The following NELL1 variants were observed in gnomAD, a reference collection of about 807,000 sequenced individuals.
NELL1 encodes the protein neural EGFL like 1.
In NELL1, 76 loss-of-function variants were observed where a neutral mutation model predicts 107.4. That is an observed-to-expected ratio of 0.71 (90% CI 0.59 to 0.86). The LOEUF (loss-of-function observed/expected upper bound fraction) is 0.86, where lower values mean the gene tolerates loss of function less well. Among genes scored for constraint, NELL1 ranks in the 40% least tolerant of loss-of-function variants. NELL1 has a pLI of 0.00. For missense variants in NELL1, 1,024 were observed against 1,005.5 expected (o/e 1.02, Z -0.25); for synonymous variants, 353 against 341.2 (o/e 1.03, Z -0.38).
chr11:20,692,232 C>A (rs1366238108), intron 2 of NELL1, among the ~76,000 whole-genome samples: 1 of 151,774 alleles, frequency 6.6e-6, no homozygotes, highest in East Asian at 1.9e-4. Context: ...TTTCAAAAAA[C>A]CAGCTCCTGG....
chr11:21,074,667 T>G (rs1854092107), intron 12 of NELL1, among the ~76,000 whole-genome samples: 1 of 84,442 alleles, frequency 1.2e-5, no homozygotes, highest in African/African-American at 5.0e-5. Flanking sequence ...TGGGTGGAAT[T>G]TACACATGTG....
chr11:21,550,047 C>T (rs1360774950), intron 16 of NELL1, among the ~76,000 whole-genome samples: 1 of 151,796 alleles, frequency 6.6e-6, no homozygotes, highest in African/African-American at 2.4e-5. Flanking sequence ...AAGTTAGACT[C>T]AACTCCTCCA....
At chr11:20,807,467 C>T (rs1008859666) in intron 3 of NELL1, among the ~76,000 whole-genome samples, 2 of 152,208 alleles carry the variant, frequency 1.3e-5, no homozygotes, top group African/African-American at 2.4e-5. Flanking sequence ...CCTGTGGTCA[C>T]CACCACTGGG....
intron 12 of NELL1, among the ~76,000 whole-genome samples, chr11:21,096,303 A>G (rs1854642014): frequency 6.6e-6 from 1 of 152,136 alleles, no homozygotes; most frequent in African/African-American, 2.4e-5. Flanking sequence ...AACGTCCCCT[A>G]CATCCTCATT....
At chr11:21,307,804 C>T (rs771721613) in intron 14 of NELL1, among the ~76,000 whole-genome samples, 1 of 151,938 alleles carries the variant, frequency 6.6e-6, no homozygotes, top group Non-Finnish European at 1.5e-5. Context: ...TTTAAGCAAG[C>T]AGATTGAGCC....
chr11:21,363,728 T>G (rs1321182992), intron 14 of NELL1, among the ~76,000 whole-genome samples: 1 of 152,218 alleles, frequency 6.6e-6, no homozygotes, highest in African/African-American at 2.4e-5. Context: ...AAATTTTTAT[T>G]TTCTCATATA....
chr11:21,337,837 T>TTTCTTTTCTTTTCTTTC (rs71034505), intron 14 of NELL1, among the ~76,000 whole-genome samples: 1 of 86,616 alleles, frequency 1.2e-5, no homozygotes, highest in African/African-American at 4.7e-5. Context: ...TCTTTCTTTC[T>TTTCTTTTCTTTTCTTTC]TTTCTTTCTT....
chr11:21,118,893 A>T (rs572364083), intron 13 of NELL1, among the ~76,000 whole-genome samples: 1 of 152,198 alleles, frequency 6.6e-6, no homozygotes, highest in African/African-American at 2.4e-5. Context: ...AGGAAGCCTA[A>T]AGTTAAAGAA....
At chr11:21,285,813 G>C (rs979568868) in intron 14 of NELL1, among the ~76,000 whole-genome samples, 2 of 152,146 alleles carry the variant, frequency 1.3e-5, no homozygotes, top group East Asian at 1.9e-4. Context: ...AAAACAAAAA[G>C]CACTGAGCTA....
intron 11 of NELL1, among the ~76,000 whole-genome samples, chr11:20,948,765 TAAA>T (rs35915453): frequency 8.4e-4 from 90 of 107,296 alleles, no homozygotes; most frequent in African/African-American, 9.2e-4. Context: ...TTCAAAATCT[TAAA>T]AAAAAAAAAA....
At chr11:21,251,921 G>A (rs535847753) in intron 14 of NELL1, among the ~76,000 whole-genome samples, 8 of 152,130 alleles carry the variant, frequency 5.3e-5, no homozygotes, top group South Asian at 2.1e-4. Context: ...TCAGACTACC[G>A]GAAAATCAAG....
chr11:20,824,560 G>C (rs1435903144), intron 3 of NELL1, among the ~76,000 whole-genome samples: 1 of 151,280 alleles, frequency 6.6e-6, no homozygotes, highest in Non-Finnish European at 1.5e-5. Context: ...GAACTTCCTA[G>C]AGAATTGTTG....
At chr11:20,715,749 A>G (rs1221331871) in intron 2 of NELL1, among the ~76,000 whole-genome samples, 1 of 152,222 alleles carries the variant, frequency 6.6e-6, no homozygotes, top group East Asian at 1.9e-4. Context: ...AGGCTGCTGA[A>G]TACCTAGAGT....
intron 12 of NELL1, among the ~76,000 whole-genome samples, chr11:21,026,806 A>G (rs1166238643): frequency 6.6e-6 from 1 of 152,196 alleles, no homozygotes; most frequent in Non-Finnish European, 1.5e-5. Flanking sequence ...GATGAGAAAC[A>G]TGAGCTTGAG....
At chr11:21,063,639 A>G (rs573228604) in intron 12 of NELL1, among the ~76,000 whole-genome samples, 260 of 152,348 alleles carry the variant, frequency 1.7e-3, no homozygotes, top group African/African-American at 5.9e-3. Context: ...GGAGCCTGAA[A>G]CAAAGACCAG....
chr11:21,327,318 A>G (rs533727890), intron 14 of NELL1, among the ~76,000 whole-genome samples: 1 of 151,942 alleles, frequency 6.6e-6, no homozygotes, highest in South Asian at 2.1e-4. Context: ...CACATTGTGC[A>G]CATGTACCCT....
chr11:21,418,341 T>C (rs1254354035), intron 15 of NELL1, among the ~76,000 whole-genome samples: 2 of 152,126 alleles, frequency 1.3e-5, no homozygotes, highest in Non-Finnish European at 2.9e-5. Flanking sequence ...ATTTCAGGCC[T>C]TGATGGCTAT....
intron 13 of NELL1, among the ~76,000 whole-genome samples, chr11:21,136,416 T>C (rs79737796): frequency 3.9e-5 from 6 of 152,340 alleles, no homozygotes; most frequent in African/African-American, 1.2e-4. Context: ...TATTCAACTA[T>C]AGCAGTGGTA....
chr11:21,434,920 A>G (rs914637012), intron 15 of NELL1, among the ~76,000 whole-genome samples: 1 of 151,824 alleles, frequency 6.6e-6, no homozygotes, highest in African/African-American at 2.4e-5. Context: ...ATTCTTAGTT[A>G]TTTTAATTTT....
Sources: gnomAD v4.1 joint callset for allele counts (sites outside exome capture counted in the v4.1 genomes callset) on GRCh38, gnomAD v4.1.1 for gene constraint, MANE v1.5 for transcripts, NCBI Gene and HGNC (gene_info 2026-07-23, HGNC 2026-07-21) for gene names.